Variants in CBARP observed in about 807,000 individuals in gnomAD.
CBARP encodes the protein voltage-dependent calcium channel beta subunit-associated regulatory protein.
CBARP carries 24 observed loss-of-function variants against 36.3 expected under a neutral mutation model. The observed-to-expected ratio is 0.66, with a 90% CI of 0.48 to 0.93. CBARP has a LOEUF of 0.93. CBARP is among the 40% of genes least tolerant of loss of function. The pLI is 0.00. For missense variants in CBARP, 1,146 were observed against 980.4 expected (o/e 1.17, Z -2.26); for synonymous variants, 586 against 453.2 (o/e 1.29, Z -3.72).
At chr19:1,230,603 C>T in intron 9 of CBARP, 1 of 1,203,688 alleles carries the variant, frequency 8.3e-7, no homozygotes, top group Non-Finnish European at 1.0e-6. Flanking sequence ...CATACCAGGG[C>T]TGCCCCAGGA....
intron 5 of CBARP, 43 bp downstream of exon 5, chr19:1,234,958 C>G: frequency 6.3e-7 from 1 of 1,576,390 alleles, no homozygotes; most frequent in Middle Eastern, 2.1e-4. Flanking sequence ...CGGCCAGGAC[C>G]TCAGACAGGC....
At chr19:1,236,515 C>T (rs759008301) in intron 1 of CBARP, among the ~76,000 whole-genome samples, 1 of 151,974 alleles carries the variant, frequency 6.6e-6, no homozygotes, top group Non-Finnish European at 1.5e-5. Flanking sequence ...CTCCAGACGC[C>T]CTGTCCGCCC....
Position 1,235,095 on chromosome 19 carries a change from G to T in CBARP, c.361C>A (p.Arg121Ser). 1 of 1,607,610 alleles carries T rather than the reference G, an allele frequency of 6.2e-7. No homozygotes were observed. Among genetic ancestry groups the T allele is most frequent in the Non-Finnish European group, 8.5e-7 (1 of 1,177,640 alleles). Residue 121 changes from arginine to serine, a missense_variant, in exon 5 of 10, where the codon CGC becomes AGC. Physicochemically the swap from Arg to Ser is moderately radical, Grantham distance 110. Coordinates refer to ENST00000650044, the MANE Select transcript of CBARP (RefSeq NM_001393918.1). ...DPECQDAETERFLSTSSTGRR... is the reference protein window; with the variant it reads ...DPECQDAETESFLSTSSTGRR... ...CCCGTGGAGCTGGTGGACAGGAAGC[G>T]TTCGGTCTCCGCATCCTGGCACTCG...
At chr19:1,230,269 G>A (rs2080872624) in intron 9 of CBARP, 127 bp from the exon 10 acceptor site, 1 of 992,106 alleles carries the variant, frequency 1.0e-6, no homozygotes, top group African/African-American at 1.7e-5. Flanking sequence ...GCCTTGGAAG[G>A]TGAGAGCTTT....
Position 1,233,547 on chromosome 19 carries a change from G to A in CBARP, c.858C>T (p.Thr286=), listed in dbSNP as rs919337089. The A allele has an allele frequency of 1.1e-5, 18 of 1,605,310 alleles. No homozygotes were observed. Among genetic ancestry groups the A allele is most frequent in the Middle Eastern group, 1.7e-4 (1 of 6,036 alleles). Residue 286 remains threonine, a synonymous_variant, in exon 8 of 10, where the codon ACC becomes ACT. Transcript: ENST00000650044. ...GEAGPGSGAG[T]VLQFLTRLRR... Reference sequence around the variant, plus strand: ...GCAGGCGGGTGAGGAACTGCAGAACGGTACCTGCCCCGGATCCCGGGCCCG... The same window carrying A: ...GCAGGCGGGTGAGGAACTGCAGAACAGTACCTGCCCCGGATCCCGGGCCCG...
Position 1,234,350 on chromosome 19 carries a change from T to A in CBARP, c.628-19A>T. 1 of 1,433,186 alleles carries A rather than the reference T, an allele frequency of 7.0e-7. No individual in the cohort carries two copies. Among genetic ancestry groups the A allele is most frequent in the Non-Finnish European group, 9.2e-7 (1 of 1,092,024 alleles). The allele number at this position is 1,433,186 out of a possible 1,614,324, so 88.8% of individuals were successfully genotyped here. ...CCGGGGGCTGTGGGACAGAGCCAGG[T>A]GGGGGAGGAAGCAGTGACAGGTCAA... On this transcript the variant is annotated intron_variant, in intron 6 of 9. Transcript: ENST00000650044.
rs969614631 is a variant in CBARP, at chr19:1,237,258, G to C, written c.-22+498C>G. ...GTGTCCTCAGCGCTCCCGGTCACAG[G>C]CTGCCCGGGCCCTGGTACTGGGGGA... On this transcript the variant is annotated intron_variant, in intron 1 of 9. Coordinates refer to ENST00000650044, the MANE Select transcript of CBARP (RefSeq NM_001393918.1). Among the ~76,000 whole-genome samples, 3 of 152,378 alleles carry C rather than the reference G, an allele frequency of 2.0e-5. No homozygotes were observed. The East Asian group carries it at 5.8e-4, about 29-fold the overall frequency.
intron 4 of CBARP, 83 bp downstream of exon 4, chr19:1,235,418 C>T (rs1021593978): frequency 6.5e-5 from 90 of 1,383,782 alleles, no homozygotes; most frequent in Non-Finnish European, 8.1e-5. Flanking sequence ...CAGACACAGA[C>T]GGTCAGGCAG....
At position 1,236,013 on chromosome 19, in the gene CBARP, C is replaced by T. The variant is rs2080966448; in HGVS notation, c.88G>A (p.Ala30Thr). 1 of 1,549,244 alleles carries T rather than the reference C, an allele frequency of 6.5e-7. No homozygotes were observed. Among genetic ancestry groups the T allele is most frequent in the Non-Finnish European group, 8.7e-7 (1 of 1,146,646 alleles). Residue 30 changes from alanine (A) to threonine (T), a missense_variant, in exon 2 of 10, where the codon GCC becomes ACC. Transcript: ENST00000650044. ...GCACCCACCGTGGGGCGTCCAGTGG[C>T]ATTGTCCCACGACGTCGTCAGGGCT... Reference protein sequence around the residue: ...TVALTTSWDNATGRPTAEPDP... With the variant: ...TVALTTSWDNTTGRPTAEPDP...
intron 9 of CBARP, 44 bp downstream of exon 9, chr19:1,231,057 G>C: frequency 6.4e-7 from 1 of 1,568,664 alleles, no homozygotes; most frequent in Non-Finnish European, 8.7e-7. Flanking sequence ...GGGGGGCAAG[G>C]GCCCACAGGT....
chr19:1,230,620 C>G, intron 9 of CBARP: 1 of 1,230,432 alleles, frequency 8.1e-7, no homozygotes, highest in East Asian at 3.5e-5. Context: ...AGGAACCCTG[C>G]TCTGCCCCAG....
rs762423719 is a variant in CBARP, at chr19:1,233,590, G to A, written c.815C>T (p.Ala272Val). 4 of 1,610,470 alleles carry A rather than the reference G, an allele frequency of 2.5e-6. No homozygotes were observed. The highest frequency in any genetic ancestry group is 3.4e-6 in the Non-Finnish European group (4 of 1,179,144). The change falls in exon 8 of 10, where the codon GCA (alanine) becomes GTA (valine). Residue 272 changes from alanine (A) to valine (V), a missense_variant. Transcript: ENST00000650044. ...RSTKAGGPGAAAGPGEAGPGS... is the reference protein window; with the variant it reads ...RSTKAGGPGAVAGPGEAGPGS... ...CGGGCCCGCCTCCCCAGGCCCTGCT[G>A]CAGCCCCGGGCCCTCCAGCCTTGGT...
chr19:1,230,655 C>T (rs1453596989), intron 9 of CBARP: 8 of 1,270,268 alleles, frequency 6.3e-6, no homozygotes, highest in South Asian at 2.9e-5. Flanking sequence ...CCCATCCCAC[C>T]GACGTGGGCC....
Position 1,235,552 on chromosome 19 carries a change from C to T in CBARP, c.259G>A (p.Ala87Thr). ...AGGTAGGTGGTGGTGGTCTTCTCCG[C>T]TTCCTCCATGGCCCTGGGAGAGACG... Reference protein sequence around the residue: ...HQRLNRAMEEAEKTTTTYLDN... With the variant: ...HQRLNRAMEETEKTTTTYLDN... The change falls in exon 4 of 10, where the codon GCG becomes ACG. Residue 87 changes from alanine (A) to threonine (T), a missense_variant. Physicochemically the swap from Ala to Thr is moderately conservative, Grantham distance 58 (BLOSUM62 0). Coordinates refer to ENST00000650044, the MANE Select transcript of CBARP (RefSeq NM_001393918.1). The T allele has an allele frequency of 1.2e-6, 2 of 1,607,564 alleles. No individual in the cohort carries two copies. Among genetic ancestry groups the T allele is most frequent in the Non-Finnish European group, 1.7e-6 (2 of 1,177,480 alleles).
chr19:1,235,719 A>C, intron 3 of CBARP, 60 bp downstream of exon 3: 6 of 1,603,836 alleles, frequency 3.7e-6, no homozygotes, highest in Non-Finnish European at 5.1e-6. Context: ...TAGACCCCCC[A>C]CCACCCGATG....
Position 1,237,932 on chromosome 19 carries a change from G to T in CBARP, c.-198C>A, listed in dbSNP as rs942130341. 40 of 147,020 alleles carry T rather than the reference G, an allele frequency of 2.7e-4. No homozygotes were observed. Among genetic ancestry groups the T allele is most frequent in the African/African-American group, 9.5e-4 (39 of 41,038 alleles). 9.1% of individuals were successfully genotyped at this position (147,020 alleles called of 1,614,324 possible). A position where few individuals can be genotyped will look rare whatever the true frequency, so the allele number is the denominator to read the frequency against. ...GGGCCGCGCACGTGACCGCGTTGGC[G>T]GCGCGCCCGCTCCGCGCGCCCGGTG... On this transcript the variant is annotated 5_prime_UTR_variant, in exon 1 of 10. Transcript: ENST00000650044.
intron 9 of CBARP, chr19:1,230,848 G>A: frequency 6.7e-7 from 1 of 1,493,384 alleles, no homozygotes; most frequent in East Asian, 2.4e-5. Flanking sequence ...AGCAGTACCA[G>A]CGCCATCCTC....
At position 1,231,145 on chromosome 19, in the gene CBARP, C is replaced by T. The variant is rs764757468; in HGVS notation, c.1110G>A (p.Pro370=). 8.1e-6 allele frequency: 13 copies of T among 1,600,052 alleles called. No individual in the cohort carries two copies. Among genetic ancestry groups the T allele is most frequent in the East Asian group, 2.2e-5 (1 of 44,634 alleles). The part of the protein sequence containing the change: ...IARAGDAVAF[P]HPRPFLASPP... Reference sequence around the variant, plus strand: ...GGCTGGCCAGAAAGGGGCGGGGGTGCGGGAAGGCCACGGCGTCGCCCGCCC... The same window carrying T: ...GGCTGGCCAGAAAGGGGCGGGGGTGTGGGAAGGCCACGGCGTCGCCCGCCC... The change falls in exon 9 of 10, where the codon CCG becomes CCA. Residue 370 remains proline, a synonymous_variant. Transcript: ENST00000650044.
At position 1,233,412 on chromosome 19, in the gene CBARP, G is replaced by T; in HGVS notation, c.979+14C>A. 1.3e-6 allele frequency: 2 copies of T among 1,571,332 alleles called. No individual in the cohort carries two copies. Among genetic ancestry groups the T allele is most frequent in the Non-Finnish European group, 1.7e-6 (2 of 1,157,724 alleles). ...CCCACAGGGGCCCACTCTCCACCAG[G>T]TGCTACAGCTCACCTCTCGTGTCCA... On this transcript the variant is annotated intron_variant, in intron 8 of 9. Transcript: ENST00000650044.
Sources: gnomAD v4.1 joint callset for allele counts (sites outside exome capture counted in the v4.1 genomes callset) on GRCh38, gnomAD v4.1.1 for gene constraint, MANE v1.5 for transcripts, NCBI Gene and HGNC (gene_info 2026-07-23, HGNC 2026-07-21) for gene names.